TFEC: variants seen among roughly 807,000 people sequenced by gnomAD.
TFEC encodes transcription factor EC, also known as class E basic helix-loop-helix protein 34.
A neutral mutation model predicts 41.6 loss-of-function variants in TFEC; 31 were observed. The observed-to-expected ratio is 0.74, with a 90% CI of 0.56 to 1.01. TFEC has a LOEUF of 1.01. TFEC is among the 50% of genes least tolerant of loss of function. The pLI is 0.00. For missense variants in TFEC, 402 were observed against 404.1 expected, an observed-to-expected ratio of 0.99 and a Z score of 0.04; for synonymous variants, 143 against 140.6, an observed-to-expected ratio of 1.02 and a Z score of -0.12.
chr7:116,157,951 T>A (rs1281250735), intron 1 of TFEC, among the ~76,000 whole-genome samples: 1 of 152,158 alleles, frequency 6.6e-6, no homozygotes, highest in African/African-American at 2.4e-5. Context: ...ACACCTATCT[T>A]CAAATTCTCT....
At chr7:116,001,780 G>C (rs1332155368) in intron 1 of TFEC, among the ~76,000 whole-genome samples, 1 of 151,882 alleles carries the variant, frequency 6.6e-6, no homozygotes, top group African/African-American at 2.4e-5. Flanking sequence ...GAATATATAA[G>C]GAGCTCAAAC....
rs536586422 is a variant in TFEC at position 116,056,582 on chromosome 7, A to C, written c.198+54126T>G. ...CACATAATTCATGGCATTGGATAGA[A>C]AGCACAGAAAGATCTCGCCTCAATC... On this transcript the variant is annotated intron_variant, in intron 3 of 8. Coordinates refer to the TFEC transcript ENST00000484212. Among the ~76,000 whole-genome samples, 4 of 152,220 alleles carry C rather than the reference A, an allele frequency of 2.6e-5. No individual in the cohort carries two copies. The South Asian group carries it at 8.3e-4, about 32-fold the overall frequency.
In TFEC at chr7:116,087,721, C is replaced by T. The variant is rs145528971; in HGVS notation, c.198+22987G>A. ...TTTGAGAACAATTTAAATTCTTTCC[C>T]AATAGGAGAAAGAAAGAAAAAAACC... is the stretch of plus-strand genomic sequence containing the variant. On this transcript the variant is annotated intron_variant, in intron 3 of 8. Coordinates refer to the TFEC transcript ENST00000484212. Among the ~76,000 whole-genome samples, 260 of 151,776 alleles carry T rather than the reference C, an allele frequency of 1.7e-3. 1 individual carries two copies. Among genetic ancestry groups the T allele is most frequent in the African/African-American group, 6.0e-3 (249 of 41,406 alleles).
At chr7:116,154,725 T>C (rs1584580966) in intron 1 of TFEC, among the ~76,000 whole-genome samples, 1 of 152,208 alleles carries the variant, frequency 6.6e-6, no homozygotes, top group East Asian at 1.9e-4. Context: ...GGAAACCAGA[T>C]ATATCCCTGC....
At chr7:116,104,567 G>C (rs377407817) in intron 3 of TFEC, among the ~76,000 whole-genome samples, 28 of 152,186 alleles carry the variant, frequency 1.8e-4, no homozygotes, top group African/African-American at 6.3e-4. Context: ...AACTCTGGGG[G>C]AAAATGTTTT....
chr7:116,086,094 G>A (rs1353489452), intron 3 of TFEC, among the ~76,000 whole-genome samples: 1 of 151,484 alleles, frequency 6.6e-6, no homozygotes, highest in Non-Finnish European at 1.5e-5. Context: ...GATTTATTGA[G>A]ATATTAAGCT....
At chr7:116,084,117 G>A (rs891047429) in intron 3 of TFEC, among the ~76,000 whole-genome samples, 2 of 151,792 alleles carry the variant, frequency 1.3e-5, no homozygotes, top group African/African-American at 4.8e-5. Flanking sequence ...CGTCTTTCTT[G>A]GTAGGGATTC....
Position 115,984,323 on chromosome 7 carries a change from G to A in TFEC, c.119C>T (p.Thr40Ile), listed in dbSNP as rs1410230576. 1 of 1,614,098 alleles carries A rather than the reference G, an allele frequency of 6.2e-7. No individual in the cohort carries two copies. Among genetic ancestry groups the A allele is most frequent in the Admixed American group, 1.7e-5 (1 of 60,012 alleles). The change falls in exon 2 of 8, where the codon ACA (threonine) becomes ATA (isoleucine). Residue 40 changes from threonine to isoleucine, a missense_variant. Thr to Ile is a moderately conservative substitution (Grantham distance 89, BLOSUM62 -1). Transcript: ENST00000265440. ...TAGTAACTTGGTGAGTGGGTTTTCT[G>A]TGAGGCCAGCATCACTGTCCAGAGT... ...HTTLDSDAGL[T>I]ENPLTKLLAI...
chr7:116,013,846 A>G (rs1036351070), intron 1 of TFEC, among the ~76,000 whole-genome samples: 1 of 152,118 alleles, frequency 6.6e-6, no homozygotes, highest in African/African-American at 2.4e-5. Flanking sequence ...TGACATAGTC[A>G]CTCATTACTT....
intron 1 of TFEC, among the ~76,000 whole-genome samples, chr7:116,126,074 T>A (rs1349827335): frequency 6.6e-6 from 1 of 151,940 alleles, no homozygotes; most frequent in African/African-American, 2.4e-5. Flanking sequence ...TCTTCAAATA[T>A]GATAGGGATT....
chr7:115,996,209 T>C (rs1794360946), intron 1 of TFEC, among the ~76,000 whole-genome samples: 1 of 151,976 alleles, frequency 6.6e-6, no homozygotes. Context: ...AGGGAAAGAA[T>C]AAGGAAGACT....
At chr7:116,054,213 G>C (rs1325946019) in intron 3 of TFEC, among the ~76,000 whole-genome samples, 1 of 152,184 alleles carries the variant, frequency 6.6e-6, no homozygotes, top group Admixed American at 6.5e-5. Context: ...ATTGTGGGAA[G>C]AATCGATGAG....
chr7:116,022,889 C>T (rs1795451692), intron 1 of TFEC, among the ~76,000 whole-genome samples: 1 of 151,988 alleles, frequency 6.6e-6, no homozygotes, highest in African/African-American at 2.4e-5. Context: ...CCATGAAACC[C>T]CGTGAGGTAG....
upstream of TFEC, among the ~76,000 whole-genome samples, chr7:116,033,194 A>G (rs1020451626): frequency 1.3e-5 from 2 of 152,016 alleles, no homozygotes; most frequent in South Asian, 2.1e-4. Context: ...TTAAATGGTC[A>G]AGTTCTGGCC....
intron 5 of TFEC, among the ~76,000 whole-genome samples, 172 bp downstream of exon 5, chr7:115,954,414 C>T (rs1274582682): frequency 6.6e-6 from 1 of 151,986 alleles, no homozygotes; most frequent in Non-Finnish European, 1.5e-5. Context: ...AAATAGATAG[C>T]TTTTCTGAGA....
At chr7:116,096,677 G>A (rs1584510722) in intron 3 of TFEC, among the ~76,000 whole-genome samples, 1 of 151,564 alleles carries the variant, frequency 6.6e-6, no homozygotes, top group African/African-American at 2.4e-5. Context: ...TCTTATTCTT[G>A]AGTTTTGACA....
intron 1 of TFEC, among the ~76,000 whole-genome samples, chr7:115,996,850 T>C (rs1478649765): frequency 2.0e-5 from 3 of 152,000 alleles, no homozygotes; most frequent in African/African-American, 7.2e-5. Context: ...GTCCGTAGCT[T>C]GTGAAAAGGA....
At chr7:116,080,952 TCAA>T (rs1261142005) in intron 3 of TFEC, among the ~76,000 whole-genome samples, 1 of 150,332 alleles carries the variant, frequency 6.7e-6, no homozygotes, top group South Asian at 2.1e-4. Context: ...TCCCCATCAA[TCAA>T]CGAGTGGATA....
chr7:115,941,018 T>A, intron 7 of TFEC, 87 bp from the exon 8 acceptor site: 2 of 1,244,820 alleles, frequency 1.6e-6, no homozygotes, highest in Non-Finnish European at 2.2e-6. Flanking sequence ...ATCAAAATAT[T>A]AACAAGCATT....
Sources: gnomAD v4.1 joint callset for allele counts (sites outside exome capture counted in the v4.1 genomes callset) on GRCh38, gnomAD v4.1.1 for gene constraint, MANE v1.5 for transcripts, NCBI Gene and HGNC (gene_info 2026-07-23, HGNC 2026-07-21) for gene names.